The following PERP variants were observed in gnomAD, a reference collection of about 807,000 sequenced individuals.
The protein encoded by PERP is p53 apoptosis effector related to PMP22.
In PERP, 11 loss-of-function variants were observed where a neutral mutation model predicts 20.3. The observed-to-expected ratio is 0.54, with a 90% CI of 0.34 to 0.90. The LOEUF is 0.90. Ranked by LOEUF, PERP falls within the 40% of genes least tolerant of loss-of-function variation. PERP has a pLI of 0.02. For synonymous variants in PERP, 101 were observed against 102.0 expected, an observed-to-expected ratio of 0.99 and a Z score of 0.06; for missense variants, 224 against 249.4, an observed-to-expected ratio of 0.90 and a Z score of 0.69.
intron 1 of PERP, among the ~76,000 whole-genome samples, chr6:138,098,365 T>G (rs1269251573): frequency 2.0e-5 from 3 of 152,206 alleles, no homozygotes; most frequent in Non-Finnish European, 2.9e-5. Flanking sequence ...GGACCTCGTT[T>G]GGACCCTGCC....
chr6:138,101,159 G>A (rs541335489), intron 1 of PERP, among the ~76,000 whole-genome samples: 16 of 152,242 alleles, frequency 1.1e-4, no homozygotes, highest in African/African-American at 3.1e-4. Flanking sequence ...ACGTGAGGTC[G>A]GGAGTTCGAG....
intron 1 of PERP, among the ~76,000 whole-genome samples, chr6:138,105,749 C>T (rs1393960185): frequency 6.6e-6 from 1 of 152,144 alleles, no homozygotes; most frequent in Non-Finnish European, 1.5e-5. Context: ...TGTTAGGTCC[C>T]CTAGAAGAGA....
At position 138,088,555 on chromosome 6, in the gene PERP, T is replaced by C. The variant is rs944938596; in HGVS notation, c.*3487A>G. 1 of 152,206 alleles carries C rather than the reference T, an allele frequency of 6.6e-6. No homozygotes were observed. Among genetic ancestry groups the C allele is most frequent in the African/African-American group, 2.4e-5 (1 of 41,458 alleles). The allele number at this position is 152,206 out of a possible 1,614,324, so 9.4% of individuals were successfully genotyped here. A position where few individuals can be genotyped will look rare whatever the true frequency, so the allele number is the denominator to read the frequency against. Reference sequence around the variant, plus strand: ...AGCCAACAAAGTATGTTTTCGAGGTTAACAACGAAGCACAGGATAGTACAA... The same window carrying C: ...AGCCAACAAAGTATGTTTTCGAGGTCAACAACGAAGCACAGGATAGTACAA... On this transcript the variant is annotated 3_prime_UTR_variant, in exon 3 of 3. Transcript: ENST00000421351.
chr6:138,106,106 A>G (rs1410692500), intron 1 of PERP, among the ~76,000 whole-genome samples: 1 of 152,204 alleles, frequency 6.6e-6, no homozygotes. Flanking sequence ...AAATCAAGTC[A>G]ATGGTAATAG....
chr6:138,089,992 CAGG>C lies in PERP; in HGVS notation c.*2047_*2049del, dbSNP rs1276382678. On this transcript the variant is annotated 3_prime_UTR_variant, in exon 3 of 3. Coordinates refer to ENST00000421351, the MANE Select transcript of PERP (RefSeq NM_022121.5). ...TAAACGGAGTCATTTTCATGTTTAACAGGAGACCACGTTTCTTAATCTCTAGAT... is the reference window on the plus strand; with the variant it reads ...TAAACGGAGTCATTTTCATGTTTAACAGACCACGTTTCTTAATCTCTAGAT... 2.0e-5 allele frequency: 3 copies of C among 152,158 alleles called. No individual in the cohort carries two copies. Among genetic ancestry groups the C allele is most frequent in the East Asian group, 3.8e-4 (2 of 5,198 alleles). 9.4% of individuals were successfully genotyped at this position (152,158 alleles called of 1,614,324 possible).
At chr6:138,096,037 T>C (rs1248026475) in intron 2 of PERP, among the ~76,000 whole-genome samples, 1 of 152,028 alleles carries the variant, frequency 6.6e-6, no homozygotes, top group Non-Finnish European at 1.5e-5. Context: ...CGGAGAGCAC[T>C]GCTTTTCCAG....
At position 138,107,356 on chromosome 6, in the gene PERP, G is replaced by A. The variant is rs749699189; in HGVS notation, c.-16C>T. 1.5e-5 allele frequency: 24 copies of A among 1,574,032 alleles called. No individual in the cohort carries two copies. Among genetic ancestry groups the A allele is most frequent in the Non-Finnish European group, 2.0e-5 (23 of 1,165,752 alleles). On this transcript the variant is annotated 5_prime_UTR_variant, in exon 1 of 3. Coordinates refer to ENST00000421351, the MANE Select transcript of PERP (RefSeq NM_022121.5). This position sits in a 1 kb window ranked among gnomAD's most constrained non-coding sequence, Gnocchi z 4.8. ...AGCGGATCATGTTGACGGGCGGCGC[G>A]GGGCCGAGCGGAGCGGAGCGGAGCG...
chr6:138,088,550 G>A lies in PERP; in HGVS notation c.*3492C>T, dbSNP rs1408742680. On this transcript the variant is annotated 3_prime_UTR_variant, in exon 3 of 3. Coordinates refer to ENST00000421351, the MANE Select transcript of PERP (RefSeq NM_022121.5). ...TTTGCAGCCAACAAAGTATGTTTTC[G>A]AGGTTAACAACGAAGCACAGGATAG... 2 of 152,130 alleles carry A rather than the reference G, an allele frequency of 1.3e-5. No individual in the cohort carries two copies. Among genetic ancestry groups the A allele is most frequent in the Non-Finnish European group, 2.9e-5 (2 of 68,026 alleles). The allele number at this position is 152,130 out of a possible 1,614,324, so 9.4% of individuals were successfully genotyped here. A position where few individuals can be genotyped will look rare whatever the true frequency, so the allele number is the denominator to read the frequency against.
At chr6:138,092,643 A>G (rs1259474321) in intron 2 of PERP, among the ~76,000 whole-genome samples, 1 of 152,218 alleles carries the variant, frequency 6.6e-6, no homozygotes, top group African/African-American at 2.4e-5. Flanking sequence ...TGTGTTTCCT[A>G]TACCAAACAC....
intron 2 of PERP, among the ~76,000 whole-genome samples, chr6:138,095,288 T>G (rs3734298): frequency 6.6e-6 from 1 of 152,104 alleles, no homozygotes; most frequent in Non-Finnish European, 1.5e-5. Context: ...ACAGAAACTG[T>G]CAAATGTGCC....
At chr6:138,100,882 A>G (rs1296146833) in intron 1 of PERP, among the ~76,000 whole-genome samples, 1 of 152,188 alleles carries the variant, frequency 6.6e-6, no homozygotes, top group East Asian at 1.9e-4. Flanking sequence ...TTCAACATTA[A>G]ATCAAGAACA....
At chr6:138,104,180 A>G (rs1297915878) in intron 1 of PERP, among the ~76,000 whole-genome samples, 1 of 152,240 alleles carries the variant, frequency 6.6e-6, no homozygotes, top group Non-Finnish European at 1.5e-5. Flanking sequence ...GCGGTGCAAA[A>G]CTAGTATGAG....
In PERP at chr6:138,089,604, T is replaced by G. The variant is rs991171856; in HGVS notation, c.*2438A>C. 78 of 152,218 alleles carry G rather than the reference T, an allele frequency of 5.1e-4. 3 individuals carry two copies. The highest frequency in any genetic ancestry group is 1.5e-5 in the Non-Finnish European group (1 of 68,040). The allele number at this position is 152,218 out of a possible 1,614,324, so 9.4% of individuals were successfully genotyped here. A position where few individuals can be genotyped will look rare whatever the true frequency, so the allele number is the denominator to read the frequency against. ...CTCAGCTTTACTGTGGGAAATCTCA[T>G]GCAATGCACTGTTAGCCTTCAGGTG... is the stretch of plus-strand genomic sequence containing the variant. On this transcript the variant is annotated 3_prime_UTR_variant, in exon 3 of 3. Coordinates refer to ENST00000421351, the MANE Select transcript of PERP (RefSeq NM_022121.5).
chr6:138,098,157 G>T (rs545472976), intron 1 of PERP, among the ~76,000 whole-genome samples: 1 of 152,130 alleles, frequency 6.6e-6, no homozygotes, highest in Non-Finnish European at 1.5e-5. Flanking sequence ...TTGGAAGATC[G>T]TGCACACTTA....
intron 2 of PERP, among the ~76,000 whole-genome samples, chr6:138,095,601 T>C (rs1260224547): frequency 1.3e-5 from 2 of 152,206 alleles, no homozygotes; most frequent in Admixed American, 1.3e-4. Context: ...TTTGCCGCTG[T>C]CAGCACCTTC....
chr6:138,104,121 A>G (rs997154443), intron 1 of PERP, among the ~76,000 whole-genome samples: 1 of 152,236 alleles, frequency 6.6e-6, no homozygotes, highest in Non-Finnish European at 1.5e-5. Context: ...TGCGGCTGAA[A>G]ATATCCTCCT....
At chr6:138,103,849 A>G (rs76908420) in intron 1 of PERP, among the ~76,000 whole-genome samples, 243 of 152,350 alleles carry the variant, frequency 1.6e-3, no homozygotes, top group Non-Finnish European at 2.6e-3. Context: ...AAACTATTTC[A>G]TGTAATACTG....
At chr6:138,093,386 T>G (rs527808868) in intron 2 of PERP, among the ~76,000 whole-genome samples, 1 of 140,526 alleles carries the variant, frequency 7.1e-6, no homozygotes, top group South Asian at 2.3e-4. Context: ...TCTTCTTCAT[T>G]TTTTTTTTTC....
rs1186835349 is a variant in PERP, at chr6:138,092,249, G to A, written c.375C>T (p.Ser125=). 1 of 1,613,802 alleles carries A rather than the reference G, an allele frequency of 6.2e-7. No individual in the cohort carries two copies. The highest frequency in any genetic ancestry group is 1.3e-5 in the African/African-American group (1 of 74,908). Residue 125 remains serine, a synonymous_variant, in exon 3 of 3, where the codon TCC becomes TCT. Coordinates refer to ENST00000421351, the MANE Select transcript of PERP (RefSeq NM_022121.5). ...TGTACTTCACGGGGTAAATTACCAG[G>A]GAGATGATCTGGAACACAGCTAAAG... ...LALAAVFQII[S]LVIYPVKYTQ...
Sources: allele counts gnomAD v4.1 joint callset (sites outside exome capture counted in the v4.1 genomes callset), GRCh38; gene constraint gnomAD v4.1.1; non-coding constraint Gnocchi (gnomAD v3.1); transcripts MANE v1.5; gene names NCBI Gene and HGNC (gene_info 2026-07-23, HGNC 2026-07-21).